The following TSNARE1 variants were observed in gnomAD, a reference collection of about 807,000 sequenced individuals.
The protein encoded by TSNARE1 is t-SNARE domain-containing protein 1.
A neutral mutation model predicts 62.0 loss-of-function variants in TSNARE1; 49 were observed. The observed-to-expected ratio is 0.79, with a 90% CI of 0.63 to 1.00. The LOEUF (loss-of-function observed/expected upper bound fraction) is 1.00, where lower values mean the gene tolerates loss of function less well. Among genes scored for constraint, TSNARE1 ranks in the 50% least tolerant of loss-of-function variants. The pLI is 0.00. For synonymous variants in TSNARE1, 328 were observed against 294.4 expected, an observed-to-expected ratio of 1.11 and a Z score of -1.17; for missense variants, 755 against 700.1, an observed-to-expected ratio of 1.08 and a Z score of -0.88.
intron 1 of TSNARE1, among the ~76,000 whole-genome samples, chr8:142,398,787 G>A (rs1416948361): frequency 1.3e-5 from 2 of 152,206 alleles, no homozygotes; most frequent in Non-Finnish European, 2.9e-5. Flanking sequence ...TGTCCAGGCA[G>A]GAACACCCAG....
chr8:142,222,512 T>TCATC (rs1427408220), intron 13 of TSNARE1, among the ~76,000 whole-genome samples: 18 of 100,054 alleles, frequency 1.8e-4, no homozygotes, highest in South Asian at 3.7e-4. Flanking sequence ...ATCCACTCAC[T>TCATC]CACTCACTCA....
rs761110101 is a variant in TSNARE1, at chr8:142,344,119, T to C, written c.592A>G (p.Lys198Glu). Reference protein sequence around the residue: ...WRDLRAVVRRKLGDLRKAAHG... With the variant: ...WRDLRAVVRRELGDLRKAAHG... ...GCCGCCTTCCGGAGGTCGCCCAGCT[T>C]GCGCCGCACGACGGCTCGTAGGTCC... Residue 198 changes from lysine (K) to glutamate (E), a missense_variant, in exon 4 of 14, where the codon AAG (lysine) becomes GAG (glutamate). By Grantham distance (56) the Lys-to-Glu change is moderately conservative (BLOSUM62 1). Transcript: ENST00000524325. 2 of 1,611,992 alleles carry C rather than the reference T, an allele frequency of 1.2e-6. No individual in the cohort carries two copies. Among genetic ancestry groups the C allele is most frequent in the South Asian group, 2.2e-5 (2 of 90,968 alleles).
chr8:142,339,828 C>T (rs375127243), intron 4 of TSNARE1, among the ~76,000 whole-genome samples: 4 of 152,360 alleles, frequency 2.6e-5, no homozygotes, highest in South Asian at 2.1e-4. Context: ...CGGAGAGCAG[C>T]GGCCCTGCCG....
At chr8:142,273,183 C>G in intron 12 of TSNARE1, 2 of 984,932 alleles carry the variant, frequency 2.0e-6, no homozygotes, top group Non-Finnish European at 2.4e-6. Context: ...CTCCTTTCCT[C>G]CTCCTCCTTC....
intron 11 of TSNARE1, among the ~76,000 whole-genome samples, chr8:142,281,135 C>T (rs1821380216): frequency 6.6e-6 from 1 of 152,166 alleles, no homozygotes; most frequent in Non-Finnish European, 1.5e-5. Context: ...GGTGAGGCCA[C>T]AGCTCAGTCA....
intron 10 of TSNARE1, among the ~76,000 whole-genome samples, chr8:142,293,649 A>G (rs556129113): frequency 6.6e-6 from 1 of 152,288 alleles, no homozygotes; most frequent in East Asian, 1.9e-4. Flanking sequence ...CGCAGGGGAC[A>G]AGGAAGCTTC....
intron 12 of TSNARE1, among the ~76,000 whole-genome samples, chr8:142,235,177 G>A (rs1420412823): frequency 6.6e-6 from 1 of 151,314 alleles, no homozygotes; most frequent in Non-Finnish European, 1.5e-5. Flanking sequence ...GTCCAGAGAA[G>A]GACGTGACTC....
chr8:142,385,183 C>G (rs1223449189), intron 1 of TSNARE1, among the ~76,000 whole-genome samples: 2 of 152,102 alleles, frequency 1.3e-5, no homozygotes, highest in African/African-American at 4.8e-5. Context: ...ACAGATTCCT[C>G]TGAAACAACA....
At chr8:142,354,502 C>G in intron 2 of TSNARE1, 135 bp downstream of exon 2, 1 of 631,388 alleles carries the variant, frequency 1.6e-6, no homozygotes, top group Non-Finnish European at 2.7e-6. Context: ...GGAATCACAC[C>G]CCATCTCAGG....
intron 2 of TSNARE1, 151 bp downstream of exon 2, chr8:142,354,486 A>G (rs1287467191): frequency 5.0e-6 from 3 of 596,316 alleles, no homozygotes; most frequent in Non-Finnish European, 8.8e-6. Flanking sequence ...GAATGGGCTG[A>G]GCTCAGGAAT....
chr8:142,375,282 G>A (rs946228788), intron 1 of TSNARE1, among the ~76,000 whole-genome samples: 4 of 152,272 alleles, frequency 2.6e-5, no homozygotes, highest in African/African-American at 9.6e-5. Context: ...CTTGAGGACA[G>A]GGGTGCACAC....
chr8:142,320,842 A>G (rs1021134114), intron 6 of TSNARE1, among the ~76,000 whole-genome samples: 46 of 151,822 alleles, frequency 3.0e-4, no homozygotes, highest in African/African-American at 1.1e-3. Flanking sequence ...ACTCCTCTAG[A>G]CTCCCATGTG....
intron 1 of TSNARE1, among the ~76,000 whole-genome samples, chr8:142,396,681 C>T (rs1837919198): frequency 6.6e-6 from 1 of 152,210 alleles, no homozygotes; most frequent in African/African-American, 2.4e-5. Context: ...TGATTTCTGC[C>T]TCTGATCAGA....
chr8:142,365,197 T>TGGG (rs1835442421), intron 1 of TSNARE1, among the ~76,000 whole-genome samples: 1 of 152,120 alleles, frequency 6.6e-6, no homozygotes, highest in Admixed American at 6.5e-5. Flanking sequence ...ACTTCCATGA[T>TGGG]CTCCCTGCCC....
At chr8:142,242,583 C>T (rs1817714487) in intron 12 of TSNARE1, among the ~76,000 whole-genome samples, 1 of 152,150 alleles carries the variant, frequency 6.6e-6, no homozygotes, top group Admixed American at 6.5e-5. Flanking sequence ...AGACAAATAA[C>T]CTGATTTTTA....
intron 13 of TSNARE1, among the ~76,000 whole-genome samples, chr8:142,218,857 C>T (rs1056297336): frequency 1.6e-4 from 24 of 152,242 alleles, no homozygotes; most frequent in African/African-American, 5.8e-4. Flanking sequence ...TAATATTTAA[C>T]TCTCTTCTGT....
intron 4 of TSNARE1, among the ~76,000 whole-genome samples, chr8:142,332,644 C>T (rs955433585): frequency 4.6e-5 from 7 of 152,098 alleles, no homozygotes; most frequent in African/African-American, 1.2e-4. Flanking sequence ...AACGCTCGCC[C>T]GCTGCATGGT....
At chr8:142,347,331 GA>G (rs1833508472) in intron 2 of TSNARE1, among the ~76,000 whole-genome samples, 1 of 152,260 alleles carries the variant, frequency 6.6e-6, no homozygotes, top group South Asian at 2.1e-4. Context: ...CCAAGGCCCG[GA>G]GGGGGCCCAA....
intron 9 of TSNARE1, among the ~76,000 whole-genome samples, chr8:142,312,381 G>A (rs1019630523): frequency 2.6e-5 from 4 of 152,126 alleles, no homozygotes; most frequent in African/African-American, 4.8e-5. Context: ...CCCAAACACT[G>A]TATGAAAAAT....
Sources: allele counts gnomAD v4.1 joint callset (sites outside exome capture counted in the v4.1 genomes callset), GRCh38; gene constraint gnomAD v4.1.1; transcripts MANE v1.5; gene names NCBI Gene and HGNC (gene_info 2026-07-23, HGNC 2026-07-21).